MYO5A: variants seen among roughly 807,000 people sequenced by gnomAD.
The protein encoded by MYO5A is unconventional myosin-Va.
In MYO5A, 98 loss-of-function variants were observed where a neutral mutation model predicts 249.7. The ratio of observed to expected loss-of-function variants is 0.39; its 90% CI spans 0.33 to 0.46. MYO5A has a LOEUF of 0.46. MYO5A is among the 20% of genes least tolerant of loss of function. MYO5A has a pLI of 0.98. For missense variants in MYO5A, 1,696 were observed against 2,308.8 expected, an observed-to-expected ratio of 0.73 and a Z score of 5.44; for synonymous variants, 778 against 810.6, an observed-to-expected ratio of 0.96 and a Z score of 0.68.
At chr15:52,357,904 A>C (rs1438889637) in intron 25 of MYO5A, among the ~76,000 whole-genome samples, 1 of 152,228 alleles carries the variant, frequency 6.6e-6, no homozygotes, top group Non-Finnish European at 1.5e-5. Context: ...AGGAAAATCA[A>C]AATAACTGAA....
Position 52,308,368 on chromosome 15 carries a change from G to A in MYO5A, c.*5328C>T, listed in dbSNP as rs990389506. 3 of 152,130 alleles carry A rather than the reference G, an allele frequency of 2.0e-5. No individual in the cohort carries two copies. Among genetic ancestry groups the A allele is most frequent in the Non-Finnish European group, 4.4e-5 (3 of 68,016 alleles). 9.4% of individuals were successfully genotyped at this position (152,130 alleles called of 1,614,324 possible). A position where few individuals can be genotyped will look rare whatever the true frequency, so the allele number is the denominator to read the frequency against. On this transcript the variant is annotated 3_prime_UTR_variant, in exon 42 of 42. Coordinates refer to ENST00000399233, the MANE Select transcript of MYO5A (RefSeq NM_001382347.1). ...TACAACAGATTTGAACTTATAGCAC[G>A]CTTTCCTGTTTTTACTCAACCTTTT...
Position 52,336,596 on chromosome 15 carries a change from C to T in MYO5A, c.4315-40G>A, listed in dbSNP as rs762346660. 5.6e-6 allele frequency: 8 copies of T among 1,430,324 alleles called. No individual in the cohort carries two copies. In the Admixed American group the frequency reaches 9.6e-5, roughly 17 times the overall value. 88.6% of individuals were successfully genotyped at this position (1,430,324 alleles called of 1,614,324 possible). A position where few individuals can be genotyped will look rare whatever the true frequency, so the allele number is the denominator to read the frequency against. On this transcript the variant is annotated intron_variant, in intron 33 of 41. Transcript: ENST00000399233. Reference sequence around the variant, plus strand: ...GAGAAATATATTAGAAAAATCGAAACAGGCCTTCTAAAATGCATCAAAGGA... The same window carrying T: ...GAGAAATATATTAGAAAAATCGAAATAGGCCTTCTAAAATGCATCAAAGGA...
rs1003155777 is a variant in MYO5A at position 52,410,534 on chromosome 15, C to G, written c.613-58G>C. ...AGTGTAATTCATAACATGACATTTA[C>G]AGAATCTGCTCAGAGAGAGAAAAGA... On this transcript the variant is annotated intron_variant, in intron 5 of 41. Coordinates refer to ENST00000399233, the MANE Select transcript of MYO5A (RefSeq NM_001382347.1). 77 of 1,486,740 alleles carry G rather than the reference C, an allele frequency of 5.2e-5. No individual in the cohort carries two copies. The African/African-American group carries it at 1.0e-3, about 20-fold the overall frequency. The allele number at this position is 1,486,740 out of a possible 1,614,324, so 92.1% of individuals were successfully genotyped here.
At chr15:52,383,230 A>C (rs751281669) in intron 15 of MYO5A, 42 bp from the exon 16 acceptor site, 8 of 1,483,722 alleles carry the variant, frequency 5.4e-6, no homozygotes, top group Admixed American at 3.3e-5. Flanking sequence ...GGCTTTGTCC[A>C]AAGTCAAAGG....
intron 34 of MYO5A, among the ~76,000 whole-genome samples, chr15:52,332,311 C>T (rs2038927630): frequency 6.6e-6 from 1 of 152,076 alleles, no homozygotes; most frequent in African/African-American, 2.4e-5. Context: ...TTTTATGTAA[C>T]ACTAAAAAAA....
chr15:52,385,462 G>C (rs1428184890), intron 14 of MYO5A, among the ~76,000 whole-genome samples: 1 of 152,026 alleles, frequency 6.6e-6, no homozygotes, highest in Non-Finnish European at 1.5e-5. Context: ...TAGTCAAGTT[G>C]CAATTTATTT....
chr15:52,354,755 G>A (rs1410759594), intron 25 of MYO5A, among the ~76,000 whole-genome samples: 2 of 152,024 alleles, frequency 1.3e-5, no homozygotes, highest in Non-Finnish European at 2.9e-5. Flanking sequence ...TCAGGAGGCA[G>A]AGGGAGGAGA....
chr15:52,314,183 C>T lies in MYO5A; in HGVS notation c.5430G>A (p.Leu1810=). ...CTTCAAACTCATTAACTGGAGTATA[C>T]AAATTCAACACTTTCACAATCTGTG... The part of the protein sequence containing the change: ...TTAQIVKVLN[L]YTPVNEFEER... The change falls in exon 41 of 42, where the codon TTG becomes TTA. Residue 1810 remains leucine, a synonymous_variant. Coordinates refer to ENST00000399233, the MANE Select transcript of MYO5A (RefSeq NM_001382347.1). 6.2e-7 allele frequency: 1 copy of T among 1,611,282 alleles called. No homozygotes were observed.
intron 7 of MYO5A, 22 bp from the exon 8 acceptor site, chr15:52,407,421 A>C: frequency 6.3e-7 from 1 of 1,584,210 alleles, no homozygotes; most frequent in African/African-American, 1.3e-5. Flanking sequence ...AAAAATAAAA[A>C]TTTTCTGGTT....
intron 25 of MYO5A, among the ~76,000 whole-genome samples, chr15:52,358,973 T>C (rs2040384742): frequency 6.6e-6 from 1 of 152,178 alleles, no homozygotes. Flanking sequence ...GTCAGTAGAA[T>C]ATAATGGCTT....
chr15:52,348,896 T>C lies in MYO5A; in HGVS notation c.3850-70A>G. ...AAACCCTTAGTTCCATAAATAAATT[T>C]CATCAATGAGTTCCTATTATAACAG... is the stretch of plus-strand genomic sequence containing the variant. On this transcript the variant is annotated intron_variant, in intron 28 of 41. Transcript: ENST00000399233. 6.6e-6 allele frequency: 10 copies of C among 1,511,806 alleles called. No individual in the cohort carries two copies. The South Asian group carries it at 1.1e-4, about 17-fold the overall frequency. 93.6% of individuals were successfully genotyped at this position (1,511,806 alleles called of 1,614,324 possible). A position where few individuals can be genotyped will look rare whatever the true frequency, so the allele number is the denominator to read the frequency against.
intron 31 of MYO5A, among the ~76,000 whole-genome samples, chr15:52,341,382 T>C (rs2039377124): frequency 6.6e-6 from 1 of 152,194 alleles, no homozygotes; most frequent in Admixed American, 6.5e-5. Context: ...CAAATATTAA[T>C]AGGACCAAAA....
At chr15:52,327,702 C>G (rs1418899214) in intron 36 of MYO5A, 150 bp downstream of exon 36, 3 of 830,866 alleles carry the variant, frequency 3.6e-6, no homozygotes, top group South Asian at 2.8e-5. Flanking sequence ...ACAGCAAAAC[C>G]CTGTCTCAAA....
chr15:52,526,224 G>C (rs1168587036), intron 1 of MYO5A, among the ~76,000 whole-genome samples: 1 of 152,094 alleles, frequency 6.6e-6, no homozygotes, highest in Non-Finnish European at 1.5e-5. Flanking sequence ...GTTTTGCCCA[G>C]GATGGAGTGC....
At chr15:52,360,287 A>G (rs1057193162) in intron 24 of MYO5A, among the ~76,000 whole-genome samples, 3 of 152,370 alleles carry the variant, frequency 2.0e-5, no homozygotes, top group Middle Eastern at 3.4e-3. Flanking sequence ...CAGGACAAGA[A>G]CAGTTGCAAA....
In MYO5A at chr15:52,370,284, C is replaced by T. The variant is rs747429181; in HGVS notation, c.2951G>A (p.Arg984Gln). ...AATTTCTTCCTGCAGACTAAGGACC[C>T]GCCCAGTGGCAACTTTCGCTTCCTC... is the stretch of plus-strand genomic sequence containing the variant. Reference protein sequence around the residue: ...SEEEAKVATGRVLSLQEEIAK... With the variant: ...SEEEAKVATGQVLSLQEEIAK... Residue 984 changes from arginine to glutamine, a missense_variant, in exon 22 of 42, where the codon CGG becomes CAG. Around this residue, in one of 5 missense-constraint regions of MYO5A, gnomAD observed 412 missense variants for 453.3 expected, o/e 0.91. Transcript: ENST00000399233. The T allele has an allele frequency of 3.8e-5, 61 of 1,613,982 alleles. No homozygotes were observed. Among genetic ancestry groups the T allele is most frequent in the Admixed American group, 6.7e-5 (4 of 59,988 alleles).
chr15:52,491,751 G>C (rs1432718324), intron 1 of MYO5A, among the ~76,000 whole-genome samples: 1 of 152,098 alleles, frequency 6.6e-6, no homozygotes, highest in East Asian at 1.9e-4. Context: ...TGAAGGCATT[G>C]GGCTTTCAAA....
chr15:52,315,857 G>C (rs2037981654), intron 40 of MYO5A, among the ~76,000 whole-genome samples: 1 of 151,956 alleles, frequency 6.6e-6, no homozygotes, highest in Non-Finnish European at 1.5e-5. Context: ...TCACCATGTT[G>C]GTCAGGCTGG....
In MYO5A at chr15:52,405,293, T is replaced by C. The variant is rs1428441898; in HGVS notation, c.1047A>G (p.Thr349=). Residue 349 remains threonine, a synonymous_variant, in exon 9 of 42, where the codon ACA becomes ACG. Coordinates refer to ENST00000399233, the MANE Select transcript of MYO5A (RefSeq NM_001382347.1). ...AAGCTTATTCTGAACTTACAGGTAT[T>C]GTGCAGCTGTCTGCATCTCGGGATG... ...GFTSRDADSC[T]IPPKHEPLCI... The C allele has an allele frequency of 6.2e-7, 1 of 1,607,836 alleles. No homozygotes were observed. Among genetic ancestry groups the C allele is most frequent in the Non-Finnish European group, 8.5e-7 (1 of 1,174,284 alleles).
Sources: allele counts gnomAD v4.1 joint callset (sites outside exome capture counted in the v4.1 genomes callset), GRCh38; gene constraint gnomAD v4.1.1; regional missense constraint gnomAD v4.1.1; transcripts MANE v1.5; gene names NCBI Gene and HGNC (gene_info 2026-07-23, HGNC 2026-07-21).